The following ACTL8 variants were observed in gnomAD, a reference collection of about 807,000 sequenced individuals.
The protein encoded by ACTL8 is actin like 8.
Under a neutral mutation model 9.3 loss-of-function variants are expected in ACTL8, and 3 were observed. The observed-to-expected ratio is 0.32, with a 90% CI of 0.15 to 0.83. The LOEUF (loss-of-function observed/expected upper bound fraction) is 0.83. Ranked by LOEUF, ACTL8 falls within the 40% of genes least tolerant of loss-of-function variation. The pLI is 0.57. For missense variants in ACTL8, 381 were observed against 492.2 expected (o/e 0.77, Z 2.14); for synonymous variants, 224 against 205.9 (o/e 1.09, Z -0.75).
At chr1:17,791,958 G>C (rs1424253669) in intron 1 of ACTL8, among the ~76,000 whole-genome samples, 1 of 152,198 alleles carries the variant, frequency 6.6e-6, no homozygotes, top group Non-Finnish European at 1.5e-5. Flanking sequence ...GCTATCTGCA[G>C]AGTTTGTGAC....
intron 1 of ACTL8, among the ~76,000 whole-genome samples, chr1:17,816,962 C>T (rs1287453437): frequency 1.3e-5 from 2 of 152,210 alleles, no homozygotes; most frequent in African/African-American, 4.8e-5. Flanking sequence ...GAACCTCACC[C>T]TCTGCAGGTT....
chr1:17,781,826 G>A (rs1448231901), intron 1 of ACTL8, among the ~76,000 whole-genome samples: 5 of 151,992 alleles, frequency 3.3e-5, no homozygotes, highest in African/African-American at 1.2e-4. Flanking sequence ...GATTTGTTAG[G>A]GCCCCCACAG....
At chr1:17,813,554 T>G (rs187787380) in intron 1 of ACTL8, among the ~76,000 whole-genome samples, 569 of 152,358 alleles carry the variant, frequency 3.7e-3, no homozygotes, top group Admixed American at 6.0e-3. Flanking sequence ...ATAATATATC[T>G]TCATGAAAGA....
Position 17,767,097 on chromosome 1 carries a change from G to A in ACTL8, c.-25+11593G>A, listed in dbSNP as rs931976163. ...AAGGTGACTTTGGCCACAGTGGTCA[G>A]GGACGGGGGAAGCAGACACCTGAGG... On this transcript the variant is annotated intron_variant, in intron 1 of 2. Coordinates refer to ENST00000375406, the MANE Select transcript of ACTL8 (RefSeq NM_030812.3). This position sits in a 1 kb window ranked among gnomAD's most constrained non-coding sequence, Gnocchi z 4.7. Among the ~76,000 whole-genome samples the A allele has an allele frequency of 6.6e-6, 1 of 152,186 alleles. No homozygotes were observed. Among genetic ancestry groups the A allele is most frequent in the Non-Finnish European group, 1.5e-5 (1 of 68,036 alleles).
At chr1:17,755,991 C>G (rs1047164563) in intron 1 of ACTL8, among the ~76,000 whole-genome samples, 1 of 152,034 alleles carries the variant, frequency 6.6e-6, no homozygotes, top group African/African-American at 2.4e-5. Flanking sequence ...TGGGAGGGCT[C>G]TTTTTTTGAG....
rs549033845 is a variant in ACTL8, at chr1:17,775,935, A to G, written c.-25+20431A>G. On this transcript the variant is annotated intron_variant, in intron 1 of 2. Transcript: ENST00000375406. ...CCCGGGACAGTATAAGGAAGCATCT[A>G]TTCTACCTGGAAGAGTCAGGGAGGG... is the stretch of plus-strand genomic sequence containing the variant. Among the ~76,000 whole-genome samples, 375 of 152,318 alleles carry G rather than the reference A, an allele frequency of 2.5e-3. 2 individuals are homozygous for G. The highest frequency in any genetic ancestry group is 7.6e-3 in the African/African-American group (315 of 41,560).
At chr1:17,781,863 C>T (rs1344162018) in intron 1 of ACTL8, among the ~76,000 whole-genome samples, 1 of 152,128 alleles carries the variant, frequency 6.6e-6, no homozygotes, top group African/African-American at 2.4e-5. Context: ...TCCTCCAGGA[C>T]CCATCTCTGG....
chr1:17,787,379 T>C (rs1269088001), intron 1 of ACTL8, among the ~76,000 whole-genome samples: 2 of 152,154 alleles, frequency 1.3e-5, no homozygotes, highest in Non-Finnish European at 2.9e-5. Context: ...ATTCTCATGC[T>C]CAGCCTCCCA....
At chr1:17,815,784 T>C (rs1032526070) in intron 1 of ACTL8, among the ~76,000 whole-genome samples, 2 of 152,204 alleles carry the variant, frequency 1.3e-5, no homozygotes, top group African/African-American at 4.8e-5. Context: ...CTTTGAAACT[T>C]CAATGACATG....
chr1:17,759,351 G>A (rs538917422), intron 1 of ACTL8, among the ~76,000 whole-genome samples: 3 of 152,224 alleles, frequency 2.0e-5, no homozygotes, highest in African/African-American at 7.2e-5. Flanking sequence ...CCTGCAGCAC[G>A]TGCCGCTCAG....
At chr1:17,817,093 T>C (rs2066430956) in intron 1 of ACTL8, among the ~76,000 whole-genome samples, 1 of 152,166 alleles carries the variant, frequency 6.6e-6, no homozygotes, top group Non-Finnish European at 1.5e-5. Flanking sequence ...TCATTTTGTC[T>C]AGAATTTTTA....
intron 1 of ACTL8, among the ~76,000 whole-genome samples, chr1:17,791,624 C>T (rs1423755071): frequency 1.3e-5 from 2 of 152,170 alleles, no homozygotes; most frequent in Non-Finnish European, 2.9e-5. Flanking sequence ...CCCTGAGGGG[C>T]CATCAGCATG....
intron 1 of ACTL8, among the ~76,000 whole-genome samples, chr1:17,756,529 C>T (rs2065970483): frequency 6.6e-6 from 1 of 152,182 alleles, no homozygotes; most frequent in South Asian, 2.1e-4. Context: ...CAGTCAATTT[C>T]TTGTTAATTC....
At chr1:17,799,609 T>C (rs879838137) in intron 1 of ACTL8, among the ~76,000 whole-genome samples, 9 of 149,922 alleles carry the variant, frequency 6.0e-5, no homozygotes, top group Non-Finnish European at 1.0e-4. Context: ...TCTCTTTTTT[T>C]TCTCTGGCCT....
intron 1 of ACTL8, among the ~76,000 whole-genome samples, chr1:17,781,461 A>C: frequency 1.3e-5 from 2 of 150,446 alleles, no homozygotes; most frequent in Non-Finnish European, 3.0e-5. Context: ...CTGGTCTTGA[A>C]CTCCTGACCT....
At chr1:17,816,050 C>A (rs971387847) in intron 1 of ACTL8, among the ~76,000 whole-genome samples, 1 of 152,134 alleles carries the variant, frequency 6.6e-6, no homozygotes, top group Non-Finnish European at 1.5e-5. Context: ...ATAAGTAAAT[C>A]AAGCTGGTTA....
At chr1:17,759,950 A>G (rs1310473848) in intron 1 of ACTL8, among the ~76,000 whole-genome samples, 1 of 152,108 alleles carries the variant, frequency 6.6e-6, no homozygotes, top group Non-Finnish European at 1.5e-5. Context: ...ATAATCCTTT[A>G]TATGAAACTT....
intron 1 of ACTL8, among the ~76,000 whole-genome samples, chr1:17,809,876 C>T (rs143140707): frequency 2.9e-4 from 44 of 152,128 alleles, no homozygotes; most frequent in African/African-American, 6.7e-4. Context: ...TGAATCATTC[C>T]GTAAACCAAC....
intron 1 of ACTL8, among the ~76,000 whole-genome samples, chr1:17,811,397 C>T (rs2124183076): frequency 6.6e-6 from 1 of 152,244 alleles, no homozygotes; most frequent in East Asian, 1.9e-4. Flanking sequence ...CAGTCTTTGG[C>T]TTTTCATTTT....
Sources: allele counts gnomAD v4.1 joint callset (sites outside exome capture counted in the v4.1 genomes callset), GRCh38; gene constraint gnomAD v4.1.1; non-coding constraint Gnocchi (gnomAD v3.1); transcripts MANE v1.5; gene names NCBI Gene and HGNC (gene_info 2026-07-23, HGNC 2026-07-21).